SLC9A8: variants seen among roughly 807,000 people sequenced by gnomAD.
SLC9A8 encodes solute carrier family 9 member A8, also known as sodium/hydrogen exchanger 8.
In SLC9A8, 48 loss-of-function variants were observed where a neutral mutation model predicts 66.6. That is an observed-to-expected ratio of 0.72 (90% CI 0.57 to 0.92). The LOEUF (loss-of-function observed/expected upper bound fraction) is 0.92, where lower values mean the gene tolerates loss of function less well. SLC9A8 is among the 40% of genes least tolerant of loss of function. The pLI is 0.00. For synonymous variants in SLC9A8, 274 were observed against 282.6 expected, an observed-to-expected ratio of 0.97 and a Z score of 0.31; for missense variants, 599 against 747.3, an observed-to-expected ratio of 0.80 and a Z score of 2.31.
rs1048678540 is a variant in SLC9A8 at position 49,828,480 on chromosome 20, C to T, written c.289+5339C>T. ...CTCAGGTGATCCACCACCTTGGTCTCCCAAAGTGTTGGAATTACAGCCGTG... is the reference window on the plus strand; with the variant it reads ...CTCAGGTGATCCACCACCTTGGTCTTCCAAAGTGTTGGAATTACAGCCGTG... On this transcript the variant is annotated intron_variant, in intron 3 of 15. Transcript: ENST00000361573. Among the ~76,000 whole-genome samples, 14 of 150,796 alleles carry T rather than the reference C, an allele frequency of 9.3e-5. No individual in the cohort carries two copies. The East Asian group carries it at 2.8e-3, about 30-fold the overall frequency.
chr20:49,845,731 C>T (rs1404104514), intron 5 of SLC9A8, among the ~76,000 whole-genome samples: 1 of 152,264 alleles, frequency 6.6e-6, no homozygotes, highest in African/African-American at 2.4e-5. Context: ...CCATTCTTTC[C>T]TCCCTGCCTT....
intron 3 of SLC9A8, among the ~76,000 whole-genome samples, chr20:49,837,741 A>G (rs921725374): frequency 1.1e-4 from 17 of 151,660 alleles, no homozygotes; most frequent in African/African-American, 4.1e-4. Context: ...TAATTTTTGT[A>G]TTTTTTTAGT....
chr20:49,824,274 G>C (rs78115357), intron 3 of SLC9A8, among the ~76,000 whole-genome samples: 6,305 of 152,296 alleles, frequency 0.041, 196 homozygotes, highest in Middle Eastern at 0.068. Context: ...AAAAGTTCTT[G>C]TTCTGTTTTT....
rs1487657018 is a variant in SLC9A8 at position 49,889,931 on chromosome 20, AGTCAGATCCCATTTCC to A, written c.*1999_*2014del. On this transcript the variant is annotated 3_prime_UTR_variant, in exon 16 of 16. Coordinates refer to ENST00000361573, the MANE Select transcript of SLC9A8 (RefSeq NM_015266.3). Reference sequence around the variant, plus strand: ...AATTCACAGATAAAGCAATGAAAAGAGTCAGATCCCATTTCCGTCTGCCCCCTCGTCACCAGGTGTG... The same window carrying A: ...AATTCACAGATAAAGCAATGAAAAGAGTCTGCCCCCTCGTCACCAGGTGTG... The A allele has an allele frequency of 2.0e-5, 3 of 152,258 alleles. No homozygotes were observed. Among genetic ancestry groups the A allele is most frequent in the Non-Finnish European group, 4.4e-5 (3 of 68,052 alleles). 9.4% of individuals were successfully genotyped at this position (152,258 alleles called of 1,614,324 possible).
rs145126338 is a variant in SLC9A8, at chr20:49,886,781, G to C, written c.1521G>C (p.Ser507=). The change falls in exon 15 of 16, where the codon TCG becomes TCC. Residue 507 remains serine (S), a synonymous_variant. Coordinates refer to ENST00000361573, the MANE Select transcript of SLC9A8 (RefSeq NM_015266.3). This position sits in a 1 kb window ranked among gnomAD's most constrained non-coding sequence, Gnocchi z 4.8. ...ACACTGTGGAGTCGGAGCACCTGTC[G>C]GAGCTCACGGAGGAGGAGTACGAGG... ...MGNTVESEHL[S]ELTEEEYEAH... The C allele has an allele frequency of 3.1e-6, 5 of 1,613,992 alleles. No homozygotes were observed. Among genetic ancestry groups the C allele is most frequent in the Non-Finnish European group, 4.2e-6 (5 of 1,180,002 alleles).
At position 49,890,337 on chromosome 20, in the gene SLC9A8, A is replaced by G. The variant is rs1023021529; in HGVS notation, c.*2401A>G. On this transcript the variant is annotated 3_prime_UTR_variant, in exon 16 of 16. Coordinates refer to ENST00000361573, the MANE Select transcript of SLC9A8 (RefSeq NM_015266.3). ...CTGCTGTCTACCTTTAGCACACCCAATAATTCTATTTGGGGCAGTGAATGC... is the reference window on the plus strand; with the variant it reads ...CTGCTGTCTACCTTTAGCACACCCAGTAATTCTATTTGGGGCAGTGAATGC... 3 of 152,182 alleles carry G rather than the reference A, an allele frequency of 2.0e-5. No individual in the cohort carries two copies. Among genetic ancestry groups the G allele is most frequent in the South Asian group, 2.1e-4 (1 of 4,830 alleles). The allele number at this position is 152,182 out of a possible 1,614,324, so 9.4% of individuals were successfully genotyped here. A position where few individuals can be genotyped will look rare whatever the true frequency, so the allele number is the denominator to read the frequency against.
intron 2 of SLC9A8, 24 bp downstream of exon 2, chr20:49,815,213 C>A: frequency 6.7e-7 from 1 of 1,486,614 alleles, no homozygotes; most frequent in Non-Finnish European, 9.0e-7. Context: ...CTGTCATCCC[C>A]ATCATCTGCC....
At chr20:49,879,595 C>T (rs1285889870) in intron 12 of SLC9A8, among the ~76,000 whole-genome samples, 2 of 152,006 alleles carry the variant, frequency 1.3e-5, no homozygotes, top group Non-Finnish European at 2.9e-5. Flanking sequence ...GAGGCTGAGG[C>T]GGGTGGATCA....
Position 49,849,619 on chromosome 20 carries a change from C to A in SLC9A8, c.473C>A (p.Ala158Asp). 2 of 1,614,090 alleles carry A rather than the reference C, an allele frequency of 1.2e-6. No individual in the cohort carries two copies. Among genetic ancestry groups the A allele is most frequent in the Non-Finnish European group, 1.7e-6 (2 of 1,179,918 alleles). The change falls in exon 6 of 16, where the codon GCT (alanine) becomes GAT (aspartate). Residue 158 changes from alanine to aspartate, a missense_variant. Ala to Asp is a moderately radical substitution (Grantham distance 126). This residue lies in a region of SLC9A8 where 467 missense variants were observed against 626.5 expected (regional missense o/e 0.75). Coordinates refer to ENST00000361573, the MANE Select transcript of SLC9A8 (RefSeq NM_015266.3). ...AATATTGGTTCCATCACCCTGTTTG[C>A]TGTTTTTGGGACGGCAATCTCCGCT... ...FQNIGSITLF[A>D]VFGTAISAFV...
intron 2 of SLC9A8, among the ~76,000 whole-genome samples, chr20:49,822,499 T>G (rs1256811016): frequency 6.6e-6 from 1 of 152,236 alleles, no homozygotes; most frequent in Non-Finnish European, 1.5e-5. Flanking sequence ...AAAAATAGGT[T>G]TCTGGCTGAT....
intron 9 of SLC9A8, among the ~76,000 whole-genome samples, chr20:49,863,675 T>G (rs1199988134): frequency 2.6e-5 from 4 of 152,268 alleles, no homozygotes; most frequent in Admixed American, 2.6e-4. Context: ...TTATTTGCAC[T>G]GATTTTGTTG....
intron 13 of SLC9A8, among the ~76,000 whole-genome samples, chr20:49,883,386 G>A (rs1335101665): frequency 3.3e-5 from 5 of 152,170 alleles, no homozygotes; most frequent in East Asian, 3.9e-4. Flanking sequence ...GGCGGGCCAT[G>A]CTGCTCTTGG....
chr20:49,857,983 G>A (rs955594681), intron 8 of SLC9A8, among the ~76,000 whole-genome samples: 1 of 152,056 alleles, frequency 6.6e-6, no homozygotes, highest in Non-Finnish European at 1.5e-5. Flanking sequence ...ACCAAATTTA[G>A]GAAATACACA....
At chr20:49,866,934 T>C (rs1415891084) in intron 10 of SLC9A8, among the ~76,000 whole-genome samples, 2 of 152,240 alleles carry the variant, frequency 1.3e-5, no homozygotes, top group African/African-American at 2.4e-5. Flanking sequence ...ATAATTCATC[T>C]ACAGCAGATC....
chr20:49,829,396 G>A (rs569804708), intron 3 of SLC9A8, among the ~76,000 whole-genome samples: 4 of 151,978 alleles, frequency 2.6e-5, no homozygotes, highest in Non-Finnish European at 5.9e-5. Flanking sequence ...GTGGTGGCGG[G>A]CGTCTAGTCC....
intron 10 of SLC9A8, among the ~76,000 whole-genome samples, chr20:49,870,369 A>G (rs1414814351): frequency 6.6e-6 from 1 of 152,218 alleles, no homozygotes; most frequent in African/African-American, 2.4e-5. Context: ...GCAGTCAGGG[A>G]GGTCTCCCCT....
At chr20:49,875,258 C>T (rs929279844) in intron 11 of SLC9A8, among the ~76,000 whole-genome samples, 2 of 144,286 alleles carry the variant, frequency 1.4e-5, no homozygotes, top group Admixed American at 1.4e-4. Flanking sequence ...TTCAAGGCTG[C>T]AGTGGGCTAT....
Position 49,888,021 on chromosome 20 carries a change from C to CGT in SLC9A8, c.*87_*88dup. ...ACTCAGCAGGGGCCTCGCAGAGATG[C>CGT]GTGCATCCAGCAGCCCCTTCAAGAC... On this transcript the variant is annotated 3_prime_UTR_variant, in exon 16 of 16. Transcript: ENST00000361573. 9.5e-7 allele frequency: 1 copy of CGT among 1,051,046 alleles called. No homozygotes were observed. The highest frequency in any genetic ancestry group is 1.5e-6 in the Non-Finnish European group (1 of 682,104). 65.1% of individuals were successfully genotyped at this position (1,051,046 alleles called of 1,614,324 possible). A position where few individuals can be genotyped will look rare whatever the true frequency, so the allele number is the denominator to read the frequency against.
intron 15 of SLC9A8, among the ~76,000 whole-genome samples, chr20:49,887,263 C>CG (rs1481951080): frequency 6.6e-6 from 1 of 152,128 alleles, no homozygotes; most frequent in Non-Finnish European, 1.5e-5. Context: ...TTCTGTCCCT[C>CG]GGGGCACTGC....
Sources: allele counts gnomAD v4.1 joint callset (sites outside exome capture counted in the v4.1 genomes callset), GRCh38; gene constraint gnomAD v4.1.1; regional missense constraint gnomAD v4.1.1; non-coding constraint Gnocchi (gnomAD v3.1); transcripts MANE v1.5; gene names NCBI Gene and HGNC (gene_info 2026-07-23, HGNC 2026-07-21).